CD109: variants seen among roughly 807,000 people sequenced by gnomAD.
The protein encoded by CD109 is CD109 antigen.
CD109 carries 149 observed loss-of-function variants against 165.8 expected under a neutral mutation model. The ratio of observed to expected loss-of-function variants is 0.90; its 90% confidence interval spans 0.79 to 1.03. The LOEUF is 1.03. Among genes scored for constraint, CD109 ranks in the 50% least tolerant of loss-of-function variants. The pLI is 0.00. For missense variants in CD109, 1,712 were observed against 1,677.8 expected (o/e 1.02, Z -0.36); for synonymous variants, 585 against 592.1 (o/e 0.99, Z 0.18).
chr6:73,716,958 T>C (rs560182231), intron 2 of CD109, among the ~76,000 whole-genome samples: 14 of 152,206 alleles, frequency 9.2e-5, no homozygotes, highest in Non-Finnish European at 1.8e-4. Flanking sequence ...TTTTAGTGTA[T>C]GGTGAGAGAC....
intron 5 of CD109, among the ~76,000 whole-genome samples, chr6:73,746,084 T>G (rs1237799605): frequency 6.6e-6 from 1 of 152,236 alleles, no homozygotes; most frequent in African/African-American, 2.4e-5. Context: ...CACAGAAAGT[T>G]GCGAAGATAG....
rs776640847 is a variant in CD109 at position 73,806,945 on chromosome 6, A to G, written c.3062A>G (p.Gln1021Arg). Reference sequence around the variant, plus strand: ...ACATACACTTGGCTTAAAGGACATCAGAAATCCAACGGTGAATTTTGGGAT... The same window carrying G: ...ACATACACTTGGCTTAAAGGACATCGGAAATCCAACGGTGAATTTTGGGAT... ...HRTYTWLKGHQKSNGEFWDPG... is the reference protein window; with the variant it reads ...HRTYTWLKGHRKSNGEFWDPG... Residue 1021 changes from glutamine to arginine, a missense_variant, in exon 25 of 33, where the codon CAG becomes CGG. Physicochemically the swap from Gln to Arg is conservative, Grantham distance 43. Transcript: ENST00000287097. 1.9e-6 allele frequency: 3 copies of G among 1,614,054 alleles called. No homozygotes were observed. The highest frequency in any genetic ancestry group is 1.7e-5 in the Admixed American group (1 of 59,998).
intron 2 of CD109, among the ~76,000 whole-genome samples, chr6:73,703,834 C>A (rs1449374157): frequency 2.0e-5 from 3 of 152,052 alleles, no homozygotes; most frequent in Non-Finnish European, 4.4e-5. Flanking sequence ...TTCTCAGAGT[C>A]CAAATTGTAT....
At chr6:73,785,046 A>G (rs1350341261) in intron 19 of CD109, among the ~76,000 whole-genome samples, 2 of 152,168 alleles carry the variant, frequency 1.3e-5, no homozygotes, top group Non-Finnish European at 2.9e-5. Flanking sequence ...CAAAAATTTA[A>G]TTTTCTTTTC....
chr6:73,696,800 C>T (rs916782214), intron 1 of CD109, among the ~76,000 whole-genome samples: 1 of 152,132 alleles, frequency 6.6e-6, no homozygotes, highest in African/African-American at 2.4e-5. Context: ...AGCCCTAACC[C>T]CTAGTTATAG....
intron 2 of CD109, among the ~76,000 whole-genome samples, chr6:73,701,083 G>A (rs1771059405): frequency 6.6e-6 from 1 of 150,756 alleles, no homozygotes; most frequent in South Asian, 2.1e-4. Context: ...TTATAGGCGT[G>A]AGCCACCGTG....
At chr6:73,751,129 A>T (rs1773173892) in intron 5 of CD109, among the ~76,000 whole-genome samples, 1 of 152,208 alleles carries the variant, frequency 6.6e-6, no homozygotes, top group Admixed American at 6.5e-5. Context: ...CAAAATTCTC[A>T]TCTGATGTAT....
At chr6:73,680,335 CT>C in the CD109 span, among the ~76,000 whole-genome samples, 1 of 152,088 alleles carries the variant, frequency 6.6e-6, no homozygotes. Flanking sequence ...GCCATTGAAG[CT>C]TGATTGATGA....
At chr6:73,769,340 C>T (rs1343781066) in intron 14 of CD109, among the ~76,000 whole-genome samples, 3 of 152,258 alleles carry the variant, frequency 2.0e-5, no homozygotes, top group Admixed American at 2.0e-4. Context: ...TTCTAGTGAT[C>T]CTAGTAATTG....
chr6:73,702,915 AT>A (rs1293151455), intron 2 of CD109, among the ~76,000 whole-genome samples: 1 of 152,206 alleles, frequency 6.6e-6, no homozygotes, highest in Non-Finnish European at 1.5e-5. Flanking sequence ...TATTGTGACA[AT>A]CTTGAACCGG....
chr6:73,686,785 G>A, the CD109 span, among the ~76,000 whole-genome samples: 2 of 152,064 alleles, frequency 1.3e-5, no homozygotes, highest in African/African-American at 4.8e-5. Flanking sequence ...TCCGCCTCCC[G>A]GGTTCAAGTG....
chr6:73,792,704 T>C lies in CD109; in HGVS notation c.2780T>C (p.Ile927Thr), dbSNP rs1265597250. The C allele has an allele frequency of 1.9e-6, 3 of 1,613,114 alleles. No individual in the cohort carries two copies. Among genetic ancestry groups the C allele is most frequent in the Middle Eastern group, 1.6e-4 (1 of 6,080 alleles). ...TATGGCTGTGGTGAACAGAACATGA[T>C]AAATTTTGCTCCAAATATTTACATT... ...MPYGCGEQNM[I>T]NFAPNIYILD... Residue 927 changes from isoleucine (I) to threonine (T), a missense_variant, in exon 23 of 33, where the codon ATA becomes ACA. Ile to Thr is a moderately conservative substitution (Grantham distance 89). Coordinates refer to ENST00000287097, the MANE Select transcript of CD109 (RefSeq NM_133493.5).
chr6:73,720,433 T>C (rs1403042536), intron 2 of CD109, among the ~76,000 whole-genome samples: 1 of 152,194 alleles, frequency 6.6e-6, no homozygotes, highest in African/African-American at 2.4e-5. Context: ...AGAGATCTAG[T>C]GTACAGCATG....
At chr6:73,679,981 A>G in the CD109 span, among the ~76,000 whole-genome samples, 2 of 152,194 alleles carry the variant, frequency 1.3e-5, no homozygotes, top group Non-Finnish European at 2.9e-5. Context: ...TTTTACGTGG[A>G]AAGTTTATCA....
At chr6:73,736,095 C>G (rs1259853498) in intron 4 of CD109, among the ~76,000 whole-genome samples, 2 of 152,050 alleles carry the variant, frequency 1.3e-5, no homozygotes, top group African/African-American at 2.4e-5. Flanking sequence ...AAATATAGAG[C>G]CTACGTTTTC....
Position 73,729,334 on chromosome 6 carries a change from A to AAG in CD109, c.277-1009_277-1008dup, listed in dbSNP as rs1351301117. Among the ~76,000 whole-genome samples the AAG allele has an allele frequency of 5.7e-5, 8 of 139,162 alleles. No individual in the cohort carries two copies. In the East Asian group the frequency reaches 1.9e-3, roughly 33 times the overall value. 91.3% of individuals were successfully genotyped at this position (139,162 alleles called of 152,430 possible). A position where few individuals can be genotyped will look rare whatever the true frequency, so the allele number is the denominator to read the frequency against. On this transcript the variant is annotated intron_variant, in intron 3 of 32. Coordinates refer to ENST00000287097, the MANE Select transcript of CD109 (RefSeq NM_133493.5). ...GACATATTTTAAAATTACCACATCA[A>AAG]AGTGTGTGTGTGTGTGTGTGTGTGT... is the stretch of plus-strand genomic sequence containing the variant.
At chr6:73,806,822 A>AT (rs1775582490) in intron 24 of CD109, 22 bp from the exon 25 acceptor site, 17 of 1,578,262 alleles carry the variant, frequency 1.1e-5, no homozygotes, top group East Asian at 2.2e-5. Flanking sequence ...ATTTTATGTA[A>AT]TTTTTTTCTC....
intron 2 of CD109, among the ~76,000 whole-genome samples, chr6:73,715,026 A>T (rs552440616): frequency 1.6e-4 from 24 of 152,368 alleles, no homozygotes; most frequent in Non-Finnish European, 3.2e-4. Context: ...TGGGAGGCTG[A>T]GGCGGGCAGA....
rs749802252 is a variant in CD109, at chr6:73,758,966, T to TTG, written c.697_698insGT (p.Leu233CysfsTer10). ...CAGTATTACCAAAATTTGAAGTGAC[T>TTG]TTGCAGACACCATTATATTGTTCTA... On this transcript the variant is annotated frameshift_variant, in exon 7 of 33. Coordinates refer to ENST00000287097, the MANE Select transcript of CD109 (RefSeq NM_133493.5). LOFTEE classifies it high-confidence loss of function. 9.7e-5 allele frequency: 155 copies of TTG among 1,604,646 alleles called. 1 individual carries two copies. In the South Asian group the frequency reaches 1.6e-3, roughly 16 times the overall value.
Sources: allele counts gnomAD v4.1 joint callset (sites outside exome capture counted in the v4.1 genomes callset), GRCh38; gene constraint gnomAD v4.1.1; transcripts MANE v1.5; gene names NCBI Gene and HGNC (gene_info 2026-07-23, HGNC 2026-07-21).